RBM41: variants seen among roughly 807,000 people sequenced by gnomAD.
RBM41 encodes the protein RNA binding motif protein 41, also known as RNA-binding protein 41.
A neutral mutation model predicts 30.8 loss-of-function variants in RBM41; 14 were observed. The ratio of observed to expected loss-of-function variants is 0.45; its 90% CI spans 0.30 to 0.71. RBM41 has a LOEUF of 0.71. RBM41 is among the 30% of genes least tolerant of loss of function. The pLI is 0.08. For missense variants in RBM41, 276 were observed against 326.3 expected, an observed-to-expected ratio of 0.85 and a Z score of 1.19; for synonymous variants, 120 against 110.1, an observed-to-expected ratio of 1.09 and a Z score of -0.56.
In RBM41 at chrX:107,065,836, T is replaced by C. The variant is rs1369319081; in HGVS notation, c.*1691A>G. 1.3e-5 allele frequency: 13 copies of C among 984,840 alleles called. No homozygotes were observed. Among genetic ancestry groups the C allele is most frequent in the Non-Finnish European group, 1.7e-5 (13 of 752,947 alleles). The allele number at this position is 984,840 out of a possible 1,213,427, so 81.2% of individuals were successfully genotyped here. A position where few individuals can be genotyped will look rare whatever the true frequency, so the allele number is the denominator to read the frequency against. On this transcript the variant is annotated 3_prime_UTR_variant, in exon 8 of 8. Coordinates refer to ENST00000685964, the MANE Select transcript of RBM41 (RefSeq NM_001324242.2). ...CTATATACATATTGTTTTATACAAC[T>C]GTGTTTTACATTAGTTAAGAGAAAA...
At chrX:107,069,424 C>A in intron 6 of RBM41, 22 bp from the exon 7 acceptor site, 1 of 1,174,654 alleles carries the variant, frequency 8.5e-7, no homozygotes, top group South Asian at 1.9e-5. Flanking sequence ...TGAGGATCAA[C>A]CAAAATATCA....
chrX:107,114,930 C>A (rs1924773606), intron 4 of RBM41: 1 of 125,717 alleles, frequency 8.0e-6, no homozygotes, highest in Non-Finnish European at 1.6e-5. Flanking sequence ...TCATTCCCTG[C>A]CACTTCTTCT....
At chrX:107,103,943 T>C (rs1569342191) in intron 5 of RBM41, among the ~76,000 whole-genome samples, 1 of 110,997 alleles carries the variant, frequency 9.0e-6, no homozygotes, top group Non-Finnish European at 1.9e-5. Flanking sequence ...GTCCTGGAGA[T>C]GGTCCGATGA....
At position 107,062,195 on chromosome X, in the gene RBM41, G is replaced by A. The variant is rs1382831183; in HGVS notation, c.*5332C>T. Among the ~76,000 whole-genome samples the A allele has an allele frequency of 1.8e-5, 2 of 111,913 alleles. No individual in the cohort carries two copies. The highest frequency in any genetic ancestry group is 7.5e-4 in the South Asian group (2 of 2,679). On this transcript the variant is annotated 3_prime_UTR_variant, in exon 8 of 8. Coordinates refer to ENST00000685964, the MANE Select transcript of RBM41 (RefSeq NM_001324242.2). ...TTTTGAGTTTGGCTTCTTTTACTTA[G>A]TAAAATGCATTTAAGATTCATCCAA...
chrX:107,070,770 C>T lies in RBM41; in HGVS notation c.1000-1368G>A, dbSNP rs149402174. On this transcript the variant is annotated intron_variant, in intron 6 of 7. Coordinates refer to ENST00000685964, the MANE Select transcript of RBM41 (RefSeq NM_001324242.2). The stretch of plus-strand genomic sequence containing the variant: ...GGTGCGGTGGCTCACTCCTGTAATC[C>T]CAGTGCTTTGGGAGGCTGAGATGAG... Among the ~76,000 whole-genome samples the T allele has an allele frequency of 5.0e-3, 555 of 110,847 alleles. 3 individuals carry two copies. The highest frequency in any genetic ancestry group is 7.9e-3 in the Non-Finnish European group (420 of 52,866).
At chrX:107,089,790 G>T (rs6622150) in intron 5 of RBM41, among the ~76,000 whole-genome samples, 20,867 of 110,658 alleles carry the variant, frequency 0.19, 1,584 homozygotes, top group East Asian at 0.47. Flanking sequence ...TGAGGTGGTA[G>T]ATGGCATTAG....
chrX:107,077,287 A>C (rs1444986667), intron 6 of RBM41, among the ~76,000 whole-genome samples: 2 of 110,814 alleles, frequency 1.8e-5, no homozygotes, highest in East Asian at 5.7e-4. Context: ...GCATGCCACC[A>C]CGCCCAGCTA....
rs1185764422 is a variant in RBM41, at chrX:107,118,749, T to G, written c.8+17A>C. ...ACAAAGCTCCCCTTGCCGCCTGCTCTTCAGACAAGTCCTTACCTCTTCATG... is the reference window on the plus strand; with the variant it reads ...ACAAAGCTCCCCTTGCCGCCTGCTCGTCAGACAAGTCCTTACCTCTTCATG... On this transcript the variant is annotated intron_variant, in intron 1 of 7. Coordinates refer to ENST00000685964, the MANE Select transcript of RBM41 (RefSeq NM_001324242.2). 15 of 1,211,805 alleles carry G rather than the reference T, an allele frequency of 1.2e-5. No homozygotes were observed. The highest frequency in any genetic ancestry group is 1.6e-5 in the Non-Finnish European group (14 of 895,437).
downstream of RBM41, among the ~76,000 whole-genome samples, chrX:107,056,969 G>A (rs1935595502): frequency 9.2e-6 from 1 of 108,762 alleles, no homozygotes; most frequent in Non-Finnish European, 1.9e-5. Flanking sequence ...CAGCGATCAT[G>A]TGATTCTCCC....
chrX:107,053,490 GGT>G, the RBM41 span, among the ~76,000 whole-genome samples: 1 of 113,018 alleles, frequency 8.8e-6, no homozygotes, highest in African/African-American at 3.2e-5. Flanking sequence ...AAACGGAAGT[GGT>G]GTTTATTTCT....
At chrX:107,097,856 G>GA (rs1260174494) in intron 5 of RBM41, among the ~76,000 whole-genome samples, 1 of 111,680 alleles carries the variant, frequency 9.0e-6, no homozygotes, top group Admixed American at 9.5e-5. Context: ...GAAGTATCTA[G>GA]AAAAGACAAA....
At chrX:107,097,748 G>A (rs941556139) in intron 5 of RBM41, among the ~76,000 whole-genome samples, 1 of 112,081 alleles carries the variant, frequency 8.9e-6, no homozygotes, top group Non-Finnish European at 1.9e-5. Flanking sequence ...GGAACAAATT[G>A]CTGATACATG....
chrX:107,059,458 G>T (rs999472322), downstream of RBM41, among the ~76,000 whole-genome samples: 1 of 111,257 alleles, frequency 9.0e-6, no homozygotes, highest in African/African-American at 3.3e-5. Context: ...GTTTACCTAT[G>T]TAACAAACCT....
At chrX:107,088,230 C>T (rs1360850565) in intron 6 of RBM41, among the ~76,000 whole-genome samples, 1 of 111,614 alleles carries the variant, frequency 9.0e-6, no homozygotes, top group African/African-American at 3.3e-5. Flanking sequence ...AGTTCAGGAC[C>T]TTAGCAAAGT....
At position 107,067,647 on chromosome X, in the gene RBM41, T is replaced by C. The variant is rs1181957824; in HGVS notation, c.1194A>G (p.Lys398=). ...CTATCACCAATATTTTCCCATGTAGTTTGTATCCATTTACTAGATGCAATG... is the reference window on the plus strand; with the variant it reads ...CTATCACCAATATTTTCCCATGTAGCTTGTATCCATTTACTAGATGCAATG... ...WQALHLVNGY[K]LHGKILVIEF... is the part of the protein sequence containing the mutation. The change falls in exon 8 of 8, where the codon AAA becomes AAG. Residue 398 remains lysine (K), a synonymous_variant. Transcript: ENST00000685964. The C allele has an allele frequency of 1.7e-6, 2 of 1,209,383 alleles. No homozygotes were observed. The highest frequency in any genetic ancestry group is 2.2e-6 in the Non-Finnish European group (2 of 894,340).
At chrX:107,057,605 A>C (rs1035716689), downstream of RBM41, among the ~76,000 whole-genome samples, 2 of 112,239 alleles carry the variant, frequency 1.8e-5, no homozygotes, top group Non-Finnish European at 3.8e-5. Flanking sequence ...CTGGAGAATA[A>C]TGTGAATTCT....
At chrX:107,103,803 G>GA (rs1923677150) in intron 5 of RBM41, among the ~76,000 whole-genome samples, 1 of 111,546 alleles carries the variant, frequency 9.0e-6, no homozygotes, top group South Asian at 3.8e-4. Context: ...ATCTATGGTG[G>GA]AAAAAAATCA....
intron 6 of RBM41, among the ~76,000 whole-genome samples, chrX:107,076,325 A>AAATG (rs1556002722): frequency 3.3e-5 from 3 of 90,284 alleles, no homozygotes; most frequent in Non-Finnish European, 6.3e-5. Flanking sequence ...TCAAATAAAT[A>AAATG]AATAAATAAA....
chrX:107,079,549 C>G (rs1921311804), intron 6 of RBM41, among the ~76,000 whole-genome samples: 1 of 111,749 alleles, frequency 8.9e-6, no homozygotes, highest in Non-Finnish European at 1.9e-5. Context: ...CATCTTTTCC[C>G]CCATCCCTTC....
Sources: allele counts gnomAD v4.1 joint callset (sites outside exome capture counted in the v4.1 genomes callset), GRCh38; gene constraint gnomAD v4.1.1; transcripts MANE v1.5; gene names NCBI Gene and HGNC (gene_info 2026-07-23, HGNC 2026-07-21).